The following SRGAP3 variants were observed in gnomAD, a reference collection of about 807,000 sequenced individuals.
The protein encoded by SRGAP3 is SLIT-ROBO Rho GTPase-activating protein 3.
A neutral mutation model predicts 121.1 loss-of-function variants in SRGAP3; 39 were observed. The observed-to-expected ratio is 0.32, with a 90% CI of 0.25 to 0.42. SRGAP3 has a LOEUF of 0.42. Among genes scored for constraint, SRGAP3 ranks in the 10% least tolerant of loss-of-function variants. The pLI is 1.00. For missense variants in SRGAP3, 1,213 were observed against 1,470.6 expected (o/e 0.82, Z 2.86); for synonymous variants, 601 against 570.0 (o/e 1.05, Z -0.77).
rs371434588 is a variant in SRGAP3, at chr3:9,013,845, G to A, written c.1814-3C>T. 1 of 1,614,056 alleles carries A rather than the reference G, an allele frequency of 6.2e-7. No individual in the cohort carries two copies. Among genetic ancestry groups the A allele is most frequent in the Non-Finnish European group, 8.5e-7 (1 of 1,179,910 alleles). On this transcript the variant is annotated splice_region_variant and splice_polypyrimidine_tract_variant and intron_variant, in intron 15 of 21. Transcript: ENST00000383836. ...CCTCTCGGCTGGGTTCTCCAGTTCTGTAACATAAAGGGGCCTTTCAGCGTG... is the reference window on the plus strand; with the variant it reads ...CCTCTCGGCTGGGTTCTCCAGTTCTATAACATAAAGGGGCCTTTCAGCGTG...
intron 1 of SRGAP3, among the ~76,000 whole-genome samples, chr3:9,186,867 G>A (rs1191759714): frequency 6.6e-6 from 1 of 152,200 alleles, no homozygotes; most frequent in Non-Finnish European, 1.5e-5. Flanking sequence ...CATTTCAGCA[G>A]CACCAAAGCA....
intron 3 of SRGAP3, among the ~76,000 whole-genome samples, chr3:9,277,864 A>AG (rs1401745775): frequency 6.6e-6 from 1 of 152,194 alleles, no homozygotes; most frequent in Admixed American, 6.5e-5. Flanking sequence ...ATAAGATGAT[A>AG]GTATTAGGAG....
At chr3:9,025,119 T>A in intron 14 of SRGAP3, 142 bp downstream of exon 14, 1 of 829,984 alleles carries the variant, frequency 1.2e-6, no homozygotes, top group Non-Finnish European at 2.1e-6. Flanking sequence ...GCACTGCATG[T>A]GAAGTTGGGA....
Position 9,343,054 on chromosome 3 carries a change from T to C in SRGAP3, n.215-12458A>G, listed in dbSNP as rs564322691. The stretch of plus-strand genomic sequence containing the variant: ...CTGGCATCCCCTGCTCAGCTCTTAG[T>C]ACATCTCCCACAAGCCCTTCAAACT... On this transcript the variant is annotated intron_variant and non_coding_transcript_variant, in intron 1 of 3. Coordinates refer to the SRGAP3 transcript ENST00000490889. Among the ~76,000 whole-genome samples, 29 of 152,346 alleles carry C rather than the reference T, an allele frequency of 1.9e-4. 1 individual carries two copies. In the South Asian group the frequency reaches 5.6e-3, roughly 29 times the overall value.
At chr3:8,994,757 T>C (rs1942286196) in intron 18 of SRGAP3, among the ~76,000 whole-genome samples, 1 of 152,248 alleles carries the variant, frequency 6.6e-6, no homozygotes, top group Admixed American at 6.5e-5. Context: ...AAGAGGGAGC[T>C]GATACATGCT....
chr3:9,170,262 G>A (rs916434277), intron 1 of SRGAP3, among the ~76,000 whole-genome samples: 4 of 152,166 alleles, frequency 2.6e-5, no homozygotes, highest in African/African-American at 9.7e-5. Flanking sequence ...TGAGCCTGCC[G>A]AAGCCCTGCA....
intron 12 of SRGAP3, chr3:9,028,235 G>A (rs1239104174): frequency 1.6e-5 from 23 of 1,459,712 alleles, no homozygotes; most frequent in Non-Finnish European, 2.0e-5. Context: ...CGTGAACGCC[G>A]AAATGCAATG....
At chr3:9,163,147 G>A (rs1950655300) in intron 1 of SRGAP3, among the ~76,000 whole-genome samples, 1 of 152,150 alleles carries the variant, frequency 6.6e-6, no homozygotes, top group East Asian at 1.9e-4. Context: ...AACATCATCT[G>A]GCCCAGGCCT....
chr3:9,124,133 C>A (rs1240292599), intron 2 of SRGAP3, among the ~76,000 whole-genome samples: 2 of 152,134 alleles, frequency 1.3e-5, no homozygotes, highest in Non-Finnish European at 2.9e-5. Context: ...GCAGATGGAG[C>A]CTCCATGATC....
chr3:9,113,406 G>A (rs1948698987), intron 2 of SRGAP3, among the ~76,000 whole-genome samples: 2 of 152,174 alleles, frequency 1.3e-5, no homozygotes, highest in Non-Finnish European at 2.9e-5. Context: ...TTCTCCCTGT[G>A]TGTTGGTCTC....
chr3:9,277,370 C>T (rs1033108068), intron 3 of SRGAP3, among the ~76,000 whole-genome samples: 3 of 151,588 alleles, frequency 2.0e-5, no homozygotes, highest in African/African-American at 4.9e-5. Context: ...GAGGCCAAGG[C>T]GAGCAGATCA....
intron 1 of SRGAP3, chr3:9,355,913 A>C (rs1488623063): frequency 6.6e-6 from 1 of 152,204 alleles, no homozygotes; most frequent in African/African-American, 2.4e-5. Context: ...CATGAGAGGG[A>C]GAAGGGAGCA....
intron 12 of SRGAP3, among the ~76,000 whole-genome samples, chr3:9,032,225 C>T (rs1358465884): frequency 6.6e-6 from 1 of 152,206 alleles, no homozygotes; most frequent in African/African-American, 2.4e-5. Context: ...TAAAAACACA[C>T]TGATACCCAC....
At chr3:9,258,926 C>A (rs962606413) in intron 3 of SRGAP3, among the ~76,000 whole-genome samples, 2 of 152,202 alleles carry the variant, frequency 1.3e-5, no homozygotes, top group African/African-American at 4.8e-5. Context: ...ATAATAATTT[C>A]CCGTGGGCAG....
chr3:9,018,660 G>C (rs17049943), intron 14 of SRGAP3, among the ~76,000 whole-genome samples: 3,005 of 152,280 alleles, frequency 0.02, 97 homozygotes, highest in African/African-American at 0.069. Flanking sequence ...ATGTATGATC[G>C]GAGTACATGT....
intron 21 of SRGAP3, among the ~76,000 whole-genome samples, chr3:8,989,744 A>G (rs1215271083): frequency 6.6e-6 from 1 of 152,242 alleles, no homozygotes; most frequent in Non-Finnish European, 1.5e-5. Flanking sequence ...TCATTTGGCA[A>G]ATGTAAAAAT....
intron 3 of SRGAP3, among the ~76,000 whole-genome samples, chr3:9,316,028 T>C (rs948030015): frequency 6.6e-6 from 1 of 152,224 alleles, no homozygotes; most frequent in South Asian, 2.1e-4. Flanking sequence ...TGCTTGGTTT[T>C]GTTGAATATT....
chr3:9,296,930 G>C (rs533671294), intron 3 of SRGAP3, among the ~76,000 whole-genome samples: 1 of 152,122 alleles, frequency 6.6e-6, no homozygotes, highest in African/African-American at 2.4e-5. Flanking sequence ...TGTCACCCAG[G>C]CTAGCGTACA....
intron 3 of SRGAP3, among the ~76,000 whole-genome samples, chr3:9,316,412 A>G (rs574836108): frequency 6.7e-6 from 1 of 149,500 alleles, no homozygotes; most frequent in Non-Finnish European, 1.5e-5. Context: ...TAATCCCAGC[A>G]CTTTGGGAGG....
Sources: gnomAD v4.1 joint callset for allele counts (sites outside exome capture counted in the v4.1 genomes callset) on GRCh38, gnomAD v4.1.1 for gene constraint, MANE v1.5 for transcripts, NCBI Gene and HGNC (gene_info 2026-07-23, HGNC 2026-07-21) for gene names.